SYN3: variants seen among roughly 807,000 people sequenced by gnomAD.
SYN3 encodes synapsin-3.
SYN3 carries 35 observed loss-of-function variants against 65.8 expected under a neutral mutation model. That is an observed-to-expected ratio of 0.53 (90% CI 0.41 to 0.70). SYN3 has a LOEUF of 0.70. Ranked by LOEUF, SYN3 falls within the 30% of genes least tolerant of loss-of-function variation. The probability of loss-of-function intolerance (pLI) is 0.00; values close to 1 mark genes in which losing one functional copy is unlikely to be tolerated. For missense variants in SYN3, 680 were observed against 749.0 expected (o/e 0.91, Z 1.08); for synonymous variants, 270 against 292.9 (o/e 0.92, Z 0.80).
chr22:32,976,938 C>T (rs1176435902), intron 3 of SYN3, among the ~76,000 whole-genome samples: 1 of 151,784 alleles, frequency 6.6e-6, no homozygotes, highest in African/African-American at 2.4e-5. Context: ...TCAGACTAAA[C>T]AGTGGCTTCC....
chr22:32,739,634 T>C lies in SYN3; in HGVS notation c.711+125281A>G, dbSNP rs142690280. 3.2e-3 allele frequency among the ~76,000 whole-genome samples: 485 copies of C among 152,278 alleles called. 2 individuals are homozygous for C. Among genetic ancestry groups the C allele is most frequent in the African/African-American group, 0.011 (444 of 41,562 alleles). On this transcript the variant is annotated intron_variant, in intron 6 of 13. Transcript: ENST00000358763. ...CAGATATTGTGTGTTGGTTGAGAAT[T>C]AGCTGCTTCCCTGATCCCCCACCTC...
intron 1 of SYN3, among the ~76,000 whole-genome samples, chr22:33,012,799 C>G (rs1601904293): frequency 1.3e-5 from 2 of 152,246 alleles, no homozygotes. Flanking sequence ...CTGCAGCTCT[C>G]CACTTGAGTT....
chr22:32,518,414 C>A, intron 12 of SYN3, 80 bp from the exon 13 acceptor site: 1 of 1,525,890 alleles, frequency 6.6e-7, no homozygotes, highest in South Asian at 1.1e-5. Flanking sequence ...AATGTTGCTT[C>A]AAGGATGTTC....
intron 10 of SYN3, among the ~76,000 whole-genome samples, chr22:32,533,497 A>T (rs112841021): frequency 6.6e-6 from 1 of 152,146 alleles, no homozygotes; most frequent in Admixed American, 6.5e-5. Flanking sequence ...ATGGGACAGT[A>T]TCTTGTTGAC....
chr22:33,016,673 C>CAT (rs1227038893), intron 1 of SYN3, among the ~76,000 whole-genome samples: 1 of 152,008 alleles, frequency 6.6e-6, no homozygotes, highest in Non-Finnish European at 1.5e-5. Context: ...GCATTTTTTT[C>CAT]ATATATCTGT....
At chr22:32,827,989 C>A (rs2047461567) in intron 6 of SYN3, among the ~76,000 whole-genome samples, 1 of 152,152 alleles carries the variant, frequency 6.6e-6, no homozygotes, top group African/African-American at 2.4e-5. Context: ...TTGTCTATTC[C>A]CCTTTGCCTC....
intron 6 of SYN3, among the ~76,000 whole-genome samples, chr22:32,612,213 A>T (rs532039007): frequency 7.2e-5 from 11 of 152,322 alleles, no homozygotes; most frequent in Non-Finnish European, 1.0e-4. Flanking sequence ...GAATTATGTG[A>T]GCAGTTATAG....
chr22:32,995,373 T>C (rs949930348), intron 2 of SYN3, among the ~76,000 whole-genome samples: 7 of 152,248 alleles, frequency 4.6e-5, no homozygotes, highest in Admixed American at 4.6e-4. Context: ...ATACATCATT[T>C]TGTAGTATAA....
intron 1 of SYN3, among the ~76,000 whole-genome samples, chr22:33,032,911 T>TGA (rs142261683): frequency 0.05 from 7,672 of 152,212 alleles, 618 homozygotes; most frequent in African/African-American, 0.17. Flanking sequence ...CCTGTTTCCA[T>TGA]GAAATGTATG....
chr22:32,949,306 G>T (rs73408524), intron 3 of SYN3, among the ~76,000 whole-genome samples: 1 of 151,904 alleles, frequency 6.6e-6, no homozygotes, highest in Non-Finnish European at 1.5e-5. Context: ...TACCAGCGGG[G>T]GGCGGGGGTG....
At chr22:32,817,955 T>C (rs934459863) in intron 6 of SYN3, among the ~76,000 whole-genome samples, 7 of 152,208 alleles carry the variant, frequency 4.6e-5, no homozygotes, top group Non-Finnish European at 7.3e-5. Flanking sequence ...CTAATCATTT[T>C]ACCGATAGGA....
At chr22:32,582,537 T>A (rs2058964060) in intron 7 of SYN3, among the ~76,000 whole-genome samples, 1 of 151,924 alleles carries the variant, frequency 6.6e-6, no homozygotes, top group Non-Finnish European at 1.5e-5. Context: ...TTTATTTATT[T>A]AATTTTTGTA....
At position 32,529,015 on chromosome 22, in the gene SYN3, G is replaced by A; in HGVS notation, c.1096-7C>T. Reference sequence around the variant, plus strand: ...GCATTGAGCTGTCCATTACCTGTGGGGAGGAAGGGAGAGCTGAGGGACCCC... The same window carrying A: ...GCATTGAGCTGTCCATTACCTGTGGAGAGGAAGGGAGAGCTGAGGGACCCC... On this transcript the variant is annotated splice_polypyrimidine_tract_variant and splice_region_variant and intron_variant, in intron 10 of 13. Transcript: ENST00000358763. 1 of 1,613,762 alleles carries A rather than the reference G, an allele frequency of 6.2e-7. No individual in the cohort carries two copies. Among genetic ancestry groups the A allele is most frequent in the Non-Finnish European group, 8.5e-7 (1 of 1,180,024 alleles).
At chr22:32,852,566 G>A (rs1209377585) in intron 6 of SYN3, among the ~76,000 whole-genome samples, 1 of 152,124 alleles carries the variant, frequency 6.6e-6, no homozygotes, top group African/African-American at 2.4e-5. Flanking sequence ...GTGAGCAAGG[G>A]CTTCCTTAGA....
At chr22:32,820,782 G>T (rs1056325531) in intron 6 of SYN3, among the ~76,000 whole-genome samples, 2 of 152,178 alleles carry the variant, frequency 1.3e-5, no homozygotes, top group Admixed American at 1.3e-4. Flanking sequence ...CTATTTGAAA[G>T]CCAAGTCAAC....
intron 4 of SYN3, among the ~76,000 whole-genome samples, chr22:32,925,964 G>A (rs1463386176): frequency 6.8e-6 from 1 of 146,498 alleles, no homozygotes; most frequent in African/African-American, 2.5e-5. Context: ...TGATTCTCAT[G>A]CCTCAGCCAC....
At chr22:33,022,823 A>C (rs1393117145) in intron 1 of SYN3, among the ~76,000 whole-genome samples, 1 of 152,152 alleles carries the variant, frequency 6.6e-6, no homozygotes, top group African/African-American at 2.4e-5. Context: ...GTCCCAAAAA[A>C]TTTTCATGTA....
chr22:32,883,526 G>A (rs2049202044), intron 4 of SYN3, among the ~76,000 whole-genome samples: 1 of 152,192 alleles, frequency 6.6e-6, no homozygotes. Context: ...AATCACCCAA[G>A]GAGCTCTCAA....
chr22:32,614,971 C>CAAA lies in SYN3; in HGVS notation c.712-18238_712-18236dup, dbSNP rs10719539. Among the ~76,000 whole-genome samples, 221 of 147,082 alleles carry CAAA rather than the reference C, an allele frequency of 1.5e-3. 1 individual carries two copies. The East Asian group carries it at 0.015, about 10-fold the overall frequency. On this transcript the variant is annotated intron_variant, in intron 6 of 13. Coordinates refer to ENST00000358763, the MANE Select transcript of SYN3 (RefSeq NM_003490.4). ...TTCTGCAAATTTCAGACAAATGTTC[C>CAAA]AAAAAAAAAAAAATACTGCCAATGG...
Sources: allele counts gnomAD v4.1 joint callset (sites outside exome capture counted in the v4.1 genomes callset), GRCh38; gene constraint gnomAD v4.1.1; transcripts MANE v1.5; gene names NCBI Gene and HGNC (gene_info 2026-07-23, HGNC 2026-07-21).